The following RPS6KC1 variants were observed in gnomAD, a reference collection of about 807,000 sequenced individuals.
The protein encoded by RPS6KC1 is ribosomal protein S6 kinase C1, also known as inactive ribosomal protein S6 kinase delta-1.
RPS6KC1 carries 54 observed loss-of-function variants against 103.8 expected under a neutral mutation model. That is an observed-to-expected ratio of 0.52 (90% CI 0.42 to 0.65). The LOEUF (loss-of-function observed/expected upper bound fraction) is 0.65, where lower values mean the gene tolerates loss of function less well. RPS6KC1 is among the 30% of genes least tolerant of loss of function. RPS6KC1 has a pLI of 0.00. For missense variants in RPS6KC1, 1,151 were observed against 1,253.8 expected (o/e 0.92, Z 1.24); for synonymous variants, 439 against 438.7 (o/e 1.00, Z -0.01).
At chr1:213,114,185 C>G (rs937601714) in intron 4 of RPS6KC1, among the ~76,000 whole-genome samples, 1 of 152,088 alleles carries the variant, frequency 6.6e-6, no homozygotes, top group Non-Finnish European at 1.5e-5. Context: ...ATTCTTCCTA[C>G]CCATGAGCAT....
intron 2 of RPS6KC1, among the ~76,000 whole-genome samples, chr1:213,076,469 T>C (rs938110011): frequency 2.6e-5 from 4 of 152,206 alleles, no homozygotes; most frequent in Non-Finnish European, 4.4e-5. Flanking sequence ...GAAAACTTTG[T>C]TAGAACTGAG....
At chr1:213,823,252 A>T in the RPS6KC1 span, among the ~76,000 whole-genome samples, 1 of 152,188 alleles carries the variant, frequency 6.6e-6, no homozygotes, top group African/African-American at 2.4e-5. Context: ...TGCTGATCAC[A>T]TGATAGTATA....
chr1:213,747,147 G>A, the RPS6KC1 span, among the ~76,000 whole-genome samples: 1 of 152,114 alleles, frequency 6.6e-6, no homozygotes, highest in Non-Finnish European at 1.5e-5. Context: ...AAGAGTCTGG[G>A]AGGAAGAGAA....
At chr1:213,416,463 G>T in the RPS6KC1 span, among the ~76,000 whole-genome samples, 1 of 152,234 alleles carries the variant, frequency 6.6e-6, no homozygotes, top group African/African-American at 2.4e-5. Flanking sequence ...GCCAGTAAAG[G>T]CAGGCTGTGA....
chr1:213,234,040 G>C (rs972046552), intron 10 of RPS6KC1, among the ~76,000 whole-genome samples: 14 of 150,292 alleles, frequency 9.3e-5, no homozygotes, highest in Admixed American at 8.6e-4. Context: ...TGGTTGGGGG[G>C]TAGTTAGGGT....
chr1:213,632,000 CA>C, the RPS6KC1 span, among the ~76,000 whole-genome samples: 1 of 152,186 alleles, frequency 6.6e-6, no homozygotes, highest in African/African-American at 2.4e-5. Context: ...TAAATGGAAT[CA>C]TACAGTATGT....
chr1:213,683,539 T>C, the RPS6KC1 span, among the ~76,000 whole-genome samples: 3 of 152,138 alleles, frequency 2.0e-5, no homozygotes, highest in Non-Finnish European at 4.4e-5. Flanking sequence ...CAGGTCCTCA[T>C]GGACCGAGAA....
chr1:213,744,071 T>G, the RPS6KC1 span, among the ~76,000 whole-genome samples: 1 of 152,128 alleles, frequency 6.6e-6, no homozygotes, highest in South Asian at 2.1e-4. Flanking sequence ...AAGTGGGAGT[T>G]AAGCTATAAG....
chr1:213,816,195 G>A, the RPS6KC1 span, among the ~76,000 whole-genome samples: 1 of 152,114 alleles, frequency 6.6e-6, no homozygotes, highest in African/African-American at 2.4e-5. Flanking sequence ...TAATAATAAG[G>A]TGTGAAATAT....
chr1:213,620,998 A>G, the RPS6KC1 span, among the ~76,000 whole-genome samples: 9,322 of 152,212 alleles, frequency 0.061, 624 homozygotes, highest in East Asian at 0.29. Flanking sequence ...CCCTGGTTTG[A>G]GCCTCACATT....
chr1:213,634,731 G>T, the RPS6KC1 span, among the ~76,000 whole-genome samples: 1 of 150,718 alleles, frequency 6.6e-6, no homozygotes, highest in Non-Finnish European at 1.5e-5. Context: ...ACTAAGATCA[G>T]ATCAGAACTG....
chr1:213,666,497 G>A, the RPS6KC1 span, among the ~76,000 whole-genome samples: 2 of 152,136 alleles, frequency 1.3e-5, no homozygotes, highest in South Asian at 2.1e-4. Flanking sequence ...TGGAATTCCT[G>A]GGACAAAGGA....
At chr1:213,617,072 CTTTTG>C in the RPS6KC1 span, among the ~76,000 whole-genome samples, 1 of 152,176 alleles carries the variant, frequency 6.6e-6, no homozygotes, top group African/African-American at 2.4e-5. Flanking sequence ...CTTAGGATAA[CTTTTG>C]TTATTTTACT....
intron 8 of RPS6KC1, among the ~76,000 whole-genome samples, chr1:213,219,610 A>G (rs1345024047): frequency 6.6e-6 from 1 of 152,206 alleles, no homozygotes; most frequent in Admixed American, 6.5e-5. Context: ...GAACCAACCC[A>G]AATGTCCAAC....
rs759512467 is a variant in RPS6KC1, at chr1:213,129,660, A to G, written c.606A>G (p.Ser202=). 11 of 1,613,968 alleles carry G rather than the reference A, an allele frequency of 6.8e-6. No individual in the cohort carries two copies. In the South Asian group the frequency reaches 1.2e-4, roughly 18 times the overall value. The change falls in exon 6 of 15, where the codon TCA becomes TCG. Residue 202 remains serine (S), a synonymous_variant. Coordinates refer to ENST00000366960, the MANE Select transcript of RPS6KC1 (RefSeq NM_012424.6). ...GTCTCAATCTTTCTTCGGATTCTTC[A>G]GCACTAGGGGCTGTTGCTTCTGACA... The part of the protein sequence containing the change: ...TFGLNLSSDS[S]ALGAVASDSE...
intron 10 of RPS6KC1, among the ~76,000 whole-genome samples, chr1:213,238,756 G>C (rs1251784189): frequency 6.6e-6 from 1 of 152,066 alleles, no homozygotes; most frequent in Non-Finnish European, 1.5e-5. Context: ...TTGCTTATAC[G>C]GTACATCTCA....
At chr1:213,773,260 G>A in the RPS6KC1 span, among the ~76,000 whole-genome samples, 3 of 56,732 alleles carry the variant, frequency 5.3e-5, no homozygotes, top group African/African-American at 1.3e-4. Context: ...GCCCTTTGGA[G>A]CGAGAGAATG....
chr1:213,230,181 A>G (rs2094057916), intron 8 of RPS6KC1, among the ~76,000 whole-genome samples: 1 of 152,180 alleles, frequency 6.6e-6, no homozygotes. Context: ...TGTTGATCAT[A>G]TATGTTCCAA....
the RPS6KC1 span, among the ~76,000 whole-genome samples, chr1:213,720,107 A>T: frequency 6.6e-6 from 1 of 152,198 alleles, no homozygotes; most frequent in African/African-American, 2.4e-5. Context: ...TATGATCCTC[A>T]GGGTGGATCA....
Sources: allele counts gnomAD v4.1 joint callset (sites outside exome capture counted in the v4.1 genomes callset), GRCh38; gene constraint gnomAD v4.1.1; transcripts MANE v1.5; gene names NCBI Gene and HGNC (gene_info 2026-07-23, HGNC 2026-07-21).